The following SOX6 variants were observed in gnomAD, a reference collection of about 807,000 sequenced individuals.
The protein encoded by SOX6 is SRY-box transcription factor 6.
A neutral mutation model predicts 97.8 loss-of-function variants in SOX6; 11 were observed. The ratio of observed to expected loss-of-function variants is 0.11; its 90% CI spans 0.07 to 0.19. The LOEUF (loss-of-function observed/expected upper bound fraction) is 0.19. Ranked by LOEUF, SOX6 falls within the 10% of genes least tolerant of loss-of-function variation. The pLI is 1.00. For missense variants in SOX6, 810 were observed against 1,039.5 expected (o/e 0.78, Z 3.04); for synonymous variants, 360 against 371.4 (o/e 0.97, Z 0.35).
At chr11:16,494,639 G>T (rs1231362315) in intron 4 of SOX6, among the ~76,000 whole-genome samples, 1 of 151,950 alleles carries the variant, frequency 6.6e-6, no homozygotes, top group South Asian at 2.1e-4. Flanking sequence ...ACTTAAGAGA[G>T]AACACTGAAA....
intron 9 of SOX6, among the ~76,000 whole-genome samples, chr11:16,060,054 C>T (rs1183719807): frequency 6.6e-6 from 1 of 151,870 alleles, no homozygotes; most frequent in Non-Finnish European, 1.5e-5. Flanking sequence ...TGCTTTTTAC[C>T]TCAATCATTA....
intron 3 of SOX6, among the ~76,000 whole-genome samples, chr11:16,310,722 A>G (rs1241550959): frequency 6.6e-6 from 1 of 152,122 alleles, no homozygotes; most frequent in Non-Finnish European, 1.5e-5. Flanking sequence ...TGAATACTTA[A>G]AGTGTTTCTT....
intron 4 of SOX6, among the ~76,000 whole-genome samples, chr11:16,219,923 G>A (rs940886226): frequency 6.6e-6 from 1 of 151,898 alleles, no homozygotes; most frequent in African/African-American, 2.4e-5. Flanking sequence ...GATTAATTAT[G>A]ATCCCATGCA....
At chr11:16,442,756 T>C (rs1327247937) in intron 1 of SOX6, among the ~76,000 whole-genome samples, 14 of 152,100 alleles carry the variant, frequency 9.2e-5, no homozygotes, top group African/African-American at 3.1e-4. Flanking sequence ...TCATATCACA[T>C]CACACTCCGT....
upstream of SOX6, among the ~76,000 whole-genome samples, chr11:16,360,277 C>T (rs767526698): frequency 1.6e-4 from 25 of 152,094 alleles, no homozygotes; most frequent in Admixed American, 7.9e-4. Flanking sequence ...CTTTCCACTA[C>T]ATTATGATGT....
chr11:16,353,258 T>C (rs1274113231), intron 1 of SOX6, among the ~76,000 whole-genome samples: 2 of 151,964 alleles, frequency 1.3e-5, no homozygotes, highest in Non-Finnish European at 2.9e-5. Context: ...GAAAACAAGA[T>C]GAGGAGCTTG....
rs188907589 is a variant in SOX6 at position 16,535,375 on chromosome 11, C to A, written n.610-58987G>T. ...ATATTTCTTTCTTTCTTTTTTGAAG[C>A]ATGATTCAAAAAATTGGTCTTGGCC... On this transcript the variant is annotated intron_variant and non_coding_transcript_variant, in intron 4 of 5. Transcript: ENST00000524520. Among the ~76,000 whole-genome samples the A allele has an allele frequency of 3.9e-4, 60 of 152,198 alleles. No homozygotes were observed. In the East Asian group the frequency reaches 0.011, roughly 28 times the overall value.
At chr11:16,067,468 T>C (rs1051237847) in intron 9 of SOX6, among the ~76,000 whole-genome samples, 7 of 152,108 alleles carry the variant, frequency 4.6e-5, no homozygotes, top group African/African-American at 1.4e-4. Flanking sequence ...TGACACCATG[T>C]AAGACGTGCC....
At chr11:16,548,653 C>T (rs992058586) in intron 4 of SOX6, among the ~76,000 whole-genome samples, 1 of 152,050 alleles carries the variant, frequency 6.6e-6, no homozygotes, top group African/African-American at 2.4e-5. Flanking sequence ...TTGAAAGACA[C>T]TTAAAATGAA....
chr11:16,541,681 G>C (rs376902246), intron 4 of SOX6, among the ~76,000 whole-genome samples: 1 of 152,134 alleles, frequency 6.6e-6, no homozygotes, highest in South Asian at 2.1e-4. Flanking sequence ...CTCAAAAGAA[G>C]ACACTTATGC....
At chr11:16,608,729 C>A (rs1314375896) in intron 4 of SOX6, among the ~76,000 whole-genome samples, 1 of 152,074 alleles carries the variant, frequency 6.6e-6, no homozygotes, top group Non-Finnish European at 1.5e-5. Flanking sequence ...ATGTACAAAT[C>A]ACCAAAAAAT....
chr11:16,038,249 C>A (rs1464801709), intron 12 of SOX6, among the ~76,000 whole-genome samples: 1 of 151,972 alleles, frequency 6.6e-6, no homozygotes, highest in African/African-American at 2.4e-5. Context: ...GGGTCCTGGA[C>A]CAATTCTCCA....
intron 6 of SOX6, among the ~76,000 whole-genome samples, chr11:16,115,267 T>C (rs1002319710): frequency 6.6e-6 from 1 of 152,176 alleles, no homozygotes; most frequent in Non-Finnish European, 1.5e-5. Context: ...ATCAGCAATA[T>C]CTGGGAACCT....
At chr11:16,484,572 C>G in intron 4 of SOX6, 1 of 751,206 alleles carries the variant, frequency 1.3e-6, no homozygotes, top group South Asian at 1.4e-5. Flanking sequence ...TCAATGGCCA[C>G]CTTCACAGCC....
intron 3 of SOX6, among the ~76,000 whole-genome samples, chr11:16,700,500 T>A (rs1469974615): frequency 1.3e-5 from 2 of 152,202 alleles, no homozygotes; most frequent in Non-Finnish European, 2.9e-5. Context: ...AGACTCATTC[T>A]CCACTTTGAG....
chr11:16,337,147 A>C (rs543633409), intron 2 of SOX6, among the ~76,000 whole-genome samples: 4 of 152,212 alleles, frequency 2.6e-5, no homozygotes, highest in South Asian at 4.1e-4. Flanking sequence ...GGTACTATAC[A>C]CTCAGGTATC....
At position 16,135,846 on chromosome 11, in the gene SOX6, C is replaced by T. The variant is rs188691003; in HGVS notation, c.778-23923G>A. The stretch of plus-strand genomic sequence containing the variant: ...GGTAAAACGTTATCAAATAGCATTA[C>T]ATGCTGCAGAGAAATCTTTCGTGAA... On this transcript the variant is annotated intron_variant, in intron 6 of 15. Transcript: ENST00000683767. 2.0e-5 allele frequency among the ~76,000 whole-genome samples: 3 copies of T among 152,270 alleles called. No homozygotes were observed. In the East Asian group the frequency reaches 5.8e-4, roughly 29 times the overall value.
At chr11:16,057,111 G>A (rs1847834759) in intron 9 of SOX6, among the ~76,000 whole-genome samples, 4 of 152,020 alleles carry the variant, frequency 2.6e-5, no homozygotes, top group African/African-American at 7.2e-5. Flanking sequence ...TCATTTAATG[G>A]TTTAACTTGT....
At chr11:16,708,585 A>T (rs895002109) in intron 3 of SOX6, among the ~76,000 whole-genome samples, 1 of 152,220 alleles carries the variant, frequency 6.6e-6, no homozygotes, top group African/African-American at 2.4e-5. Context: ...AGAGAGCAAG[A>T]TCTCACTAAT....
Sources: gnomAD v4.1 joint callset for allele counts (sites outside exome capture counted in the v4.1 genomes callset) on GRCh38, gnomAD v4.1.1 for gene constraint, MANE v1.5 for transcripts, NCBI Gene and HGNC (gene_info 2026-07-23, HGNC 2026-07-21) for gene names.